The following GRIK2 variants were observed in gnomAD, a reference collection of about 807,000 sequenced individuals.
GRIK2 encodes glutamate receptor ionotropic, kainate 2.
In GRIK2, 32 loss-of-function variants were observed where a neutral mutation model predicts 100.3. The observed-to-expected ratio is 0.32, with a 90% confidence interval of 0.24 to 0.43. The LOEUF is 0.43. GRIK2 is among the 20% of genes least tolerant of loss of function. The pLI is 1.00. For synonymous variants in GRIK2, 417 were observed against 389.4 expected (o/e 1.07, Z -0.83); for missense variants, 843 against 1,114.9 (o/e 0.76, Z 3.47).
At chr6:101,520,835 T>C (rs1420765342) in intron 2 of GRIK2, among the ~76,000 whole-genome samples, 1 of 152,144 alleles carries the variant, frequency 6.6e-6, no homozygotes, top group Non-Finnish European at 1.5e-5. Context: ...CAGAGCAATG[T>C]CTTGCGGTCT....
intron 7 of GRIK2, among the ~76,000 whole-genome samples, chr6:101,763,315 T>G (rs1398023813): frequency 1.3e-5 from 2 of 152,148 alleles, no homozygotes; most frequent in African/African-American, 4.8e-5. Flanking sequence ...ATTTATTCAA[T>G]CCTGAAAACC....
chr6:101,614,340 C>G (rs1287747187), intron 2 of GRIK2, among the ~76,000 whole-genome samples: 1 of 151,590 alleles, frequency 6.6e-6, no homozygotes, highest in Admixed American at 6.6e-5. Context: ...AAAGTTCAAA[C>G]AATTGTATAA....
intron 10 of GRIK2, among the ~76,000 whole-genome samples, chr6:101,830,779 A>T (rs891085824): frequency 2.6e-5 from 4 of 152,060 alleles, no homozygotes; most frequent in Non-Finnish European, 4.4e-5. Flanking sequence ...AATGCTAATT[A>T]GTTCAGCCCC....
intron 10 of GRIK2, among the ~76,000 whole-genome samples, chr6:101,820,702 A>G (rs1407889948): frequency 6.6e-6 from 1 of 152,134 alleles, no homozygotes; most frequent in African/African-American, 2.4e-5. Context: ...TCAGCCTCCC[A>G]AAGTGTTCGG....
At chr6:101,777,122 C>T (rs1016882797) in intron 7 of GRIK2, among the ~76,000 whole-genome samples, 2 of 152,212 alleles carry the variant, frequency 1.3e-5, no homozygotes, top group Non-Finnish European at 2.9e-5. Flanking sequence ...CAGAGTAATA[C>T]AAAGAGCCAG....
intron 12 of GRIK2, among the ~76,000 whole-genome samples, chr6:101,902,749 AG>A (rs112226205): frequency 0.075 from 11,462 of 151,958 alleles, 1,125 homozygotes; most frequent in African/African-American, 0.22. Context: ...TTTAACCAAA[AG>A]TTCTTAAAGG....
chr6:102,051,250 T>C (rs1251331490), intron 15 of GRIK2, among the ~76,000 whole-genome samples: 9 of 142,238 alleles, frequency 6.3e-5, no homozygotes, highest in Non-Finnish European at 1.4e-4. Context: ...CTTCCCTCCC[T>C]CCCTTCCTTC....
chr6:101,828,197 A>G (rs1311350757), intron 10 of GRIK2, among the ~76,000 whole-genome samples: 1 of 152,030 alleles, frequency 6.6e-6, no homozygotes, highest in African/African-American at 2.4e-5. Flanking sequence ...AAACAATGAA[A>G]TTAAGGGAGA....
intron 14 of GRIK2, among the ~76,000 whole-genome samples, chr6:101,990,630 C>T (rs528604891): frequency 6.6e-6 from 1 of 151,682 alleles, no homozygotes; most frequent in South Asian, 2.1e-4. Flanking sequence ...GCAGCAATTC[C>T]TTCAAAATTC....
At chr6:101,595,669 C>A (rs1778883799) in intron 2 of GRIK2, among the ~76,000 whole-genome samples, 1 of 147,642 alleles carries the variant, frequency 6.8e-6, no homozygotes, top group Non-Finnish European at 1.5e-5. Flanking sequence ...TTTATATACA[C>A]ATAAATATAT....
At chr6:101,630,328 C>T (rs997111682) in intron 4 of GRIK2, among the ~76,000 whole-genome samples, 1 of 152,140 alleles carries the variant, frequency 6.6e-6, no homozygotes, top group Non-Finnish European at 1.5e-5. Flanking sequence ...TACATTCCCA[C>T]CAAACTGTAC....
intron 7 of GRIK2, among the ~76,000 whole-genome samples, chr6:101,690,166 T>C (rs1771990784): frequency 6.6e-6 from 1 of 152,174 alleles, no homozygotes; most frequent in African/African-American, 2.4e-5. Context: ...AATATACATA[T>C]GCATATTAAT....
At chr6:101,753,677 AAAAG>A (rs1776944284) in intron 7 of GRIK2, among the ~76,000 whole-genome samples, 1 of 152,102 alleles carries the variant, frequency 6.6e-6, no homozygotes, top group Non-Finnish European at 1.5e-5. Flanking sequence ...AAAAAGAAAA[AAAAG>A]GAACAGAATA....
At chr6:101,809,761 T>C (rs765219562) in intron 9 of GRIK2, among the ~76,000 whole-genome samples, 3 of 152,084 alleles carry the variant, frequency 2.0e-5, no homozygotes, top group Admixed American at 6.6e-5. Context: ...GCCTATTGCC[T>C]TTCTTTGGAG....
intron 2 of GRIK2, among the ~76,000 whole-genome samples, chr6:101,443,989 G>C (rs116580295): frequency 0.012 from 1,885 of 151,726 alleles, 32 homozygotes; most frequent in African/African-American, 0.044. Context: ...GGCTCAAGGG[G>C]TGTTACCATC....
At chr6:101,674,510 TA>T (rs1306359425) in intron 4 of GRIK2, among the ~76,000 whole-genome samples, 3 of 152,196 alleles carry the variant, frequency 2.0e-5, no homozygotes, top group Non-Finnish European at 4.4e-5. Context: ...TCTGTACATA[TA>T]TGTTTGGAAG....
chr6:101,869,826 C>T (rs1045046879), intron 11 of GRIK2, among the ~76,000 whole-genome samples: 7 of 151,678 alleles, frequency 4.6e-5, no homozygotes, highest in South Asian at 2.1e-4. Flanking sequence ...CCAGTTTTAC[C>T]GGTATAGAGG....
chr6:101,683,201 GAAA>G (rs201133138), intron 6 of GRIK2, among the ~76,000 whole-genome samples: 33 of 143,744 alleles, frequency 2.3e-4, no homozygotes, highest in African/African-American at 8.3e-4. Flanking sequence ...ACTCCATCTA[GAAA>G]AAAAAAAAAA....
At chr6:101,962,857 T>A (rs1223049) in intron 14 of GRIK2, among the ~76,000 whole-genome samples, 78,089 of 151,872 alleles carry the variant, frequency 0.51, 20,706 homozygotes, top group African/African-American at 0.65. Flanking sequence ...TATTCCTTAT[T>A]TCTGTATAGC....
Sources: gnomAD v4.1 joint callset for allele counts (sites outside exome capture counted in the v4.1 genomes callset) on GRCh38, gnomAD v4.1.1 for gene constraint, MANE v1.5 for transcripts, NCBI Gene and HGNC (gene_info 2026-07-23, HGNC 2026-07-21) for gene names.